Variants in SCARA5 observed in about 807,000 individuals in gnomAD.
The protein encoded by SCARA5 is scavenger receptor class A, member 5 (putative).
In SCARA5, 45 loss-of-function variants were observed where a neutral mutation model predicts 46.3. The ratio of observed to expected loss-of-function variants is 0.97; its 90% CI spans 0.76 to 1.24. The LOEUF (loss-of-function observed/expected upper bound fraction) is 1.24. SCARA5 is among the 50% of genes most tolerant of loss of function. The probability of loss-of-function intolerance (pLI) is 0.00; values close to 1 mark genes in which losing one functional copy is unlikely to be tolerated. For synonymous variants in SCARA5, 333 were observed against 306.5 expected (o/e 1.09, Z -0.90); for missense variants, 680 against 689.0 (o/e 0.99, Z 0.15).
In SCARA5 at chr8:27,937,358, C is replaced by T. The variant is rs191197092; in HGVS notation, c.242-15113G>A. Among the ~76,000 whole-genome samples the T allele has an allele frequency of 2.4e-4, 37 of 152,244 alleles. No homozygotes were observed. In the East Asian group the frequency reaches 5.8e-3, roughly 24 times the overall value. On this transcript the variant is annotated intron_variant, in intron 3 of 8. Transcript: ENST00000354914. ...ATGACCTTCACCCTCTGGGAAGTCCCGATCCCCGGGGACAGGAGTGGGCAG... is the reference window on the plus strand; with the variant it reads ...ATGACCTTCACCCTCTGGGAAGTCCTGATCCCCGGGGACAGGAGTGGGCAG...
At chr8:27,902,198 G>A (rs1807166021) in intron 7 of SCARA5, among the ~76,000 whole-genome samples, 1 of 152,184 alleles carries the variant, frequency 6.6e-6, no homozygotes. Flanking sequence ...CAATGAGGGT[G>A]TAGCTCTTCG....
chr8:27,978,178 C>A (rs1407240141), intron 2 of SCARA5, among the ~76,000 whole-genome samples: 1 of 149,286 alleles, frequency 6.7e-6, no homozygotes, highest in Non-Finnish European at 1.5e-5. Context: ...AGGTGCCCAC[C>A]ACCACATCCG....
chr8:27,871,795 T>C lies in SCARA5; in HGVS notation c.*139A>G. On this transcript the variant is annotated 3_prime_UTR_variant, in exon 9 of 9. Transcript: ENST00000354914. ...AAATGACGACCGGCCCCCACGGTCC[T>C]GGGATGCAGGTGTGAGGACTGAGAA... The C allele has an allele frequency of 6.6e-7, 1 of 1,521,504 alleles. No homozygotes were observed. Among genetic ancestry groups the C allele is most frequent in the Non-Finnish European group, 8.8e-7 (1 of 1,135,872 alleles). The allele number at this position is 1,521,504 out of a possible 1,614,324, so 94.3% of individuals were successfully genotyped here.
At position 27,918,953 on chromosome 8, in the gene SCARA5, GA is replaced by G. The variant is rs371836463; in HGVS notation, c.916+2617del. 2.9e-3 allele frequency among the ~76,000 whole-genome samples: 4 copies of G among 1,390 alleles called. 2 individuals are homozygous for G. Among genetic ancestry groups the G allele is most frequent in the Non-Finnish European group, 6.5e-3 (2 of 308 alleles). The allele number at this position is 1,390 out of a possible 152,430, so 0.9% of individuals were successfully genotyped here. On this transcript the variant is annotated intron_variant, in intron 4 of 8. Transcript: ENST00000354914. ...AGATGAGAAGGAGGGGAAGGAGGAG[GA>G]GGAGAAGGAGGAGGAGGAAGAGGAG...
intron 3 of SCARA5, among the ~76,000 whole-genome samples, chr8:27,957,204 T>G (rs1006173234): frequency 6.6e-6 from 1 of 152,216 alleles, no homozygotes; most frequent in Non-Finnish European, 1.5e-5. Flanking sequence ...GGTTGGGCAC[T>G]GCATGATGAC....
At chr8:27,965,345 G>A (rs529732268) in intron 3 of SCARA5, among the ~76,000 whole-genome samples, 138 of 152,326 alleles carry the variant, frequency 9.1e-4, no homozygotes, top group African/African-American at 3.1e-3. Flanking sequence ...GGCTTCACCC[G>A]AGGGCCCCTC....
At chr8:27,965,534 C>CTG (rs10641384) in intron 3 of SCARA5, among the ~76,000 whole-genome samples, 81,902 of 152,026 alleles carry the variant, frequency 0.54, 22,262 homozygotes, top group South Asian at 0.66. Flanking sequence ...CTGCATGACC[C>CTG]CCTCAGTTCC....
In SCARA5 at chr8:27,907,240, G is replaced by T; in HGVS notation, c.1004C>A (p.Pro335His). ...IPGLPGLRGL[P>H]GERGTPGLPG... Reference sequence around the variant, plus strand: ...CAATCCTGGGGTACCTCTCTCCCCGGGCAGACCTGGGGAGAAAACAGACAA... The same window carrying T: ...CAATCCTGGGGTACCTCTCTCCCCGTGCAGACCTGGGGAGAAAACAGACAA... The change falls in exon 6 of 9, where the codon CCC (proline) becomes CAC (histidine). Residue 335 changes from proline to histidine, a missense_variant. Transcript: ENST00000354914. The T allele has an allele frequency of 6.2e-7, 1 of 1,612,056 alleles. No individual in the cohort carries two copies.
intron 4 of SCARA5, among the ~76,000 whole-genome samples, chr8:27,912,481 T>C (rs6558027): frequency 0.55 from 83,594 of 152,064 alleles, 23,794 homozygotes; most frequent in Non-Finnish European, 0.63. Context: ...ATGATTGAGT[T>C]AGAGAACCTG....
At chr8:27,883,949 G>C (rs17058067) in intron 7 of SCARA5, among the ~76,000 whole-genome samples, 4,151 of 127,724 alleles carry the variant, frequency 0.032, 154 homozygotes, top group East Asian at 0.17. Context: ...ACTGTGACTT[G>C]GCAAAGACTT....
chr8:27,940,756 ATCTG>A (rs1807931541), intron 3 of SCARA5, among the ~76,000 whole-genome samples: 1 of 48,574 alleles, frequency 2.1e-5, no homozygotes, highest in Non-Finnish European at 3.9e-5. Flanking sequence ...CCACCCAACC[ATCTG>A]TCCATCCATC....
At chr8:27,949,829 T>C (rs1808095968) in intron 3 of SCARA5, among the ~76,000 whole-genome samples, 1 of 152,178 alleles carries the variant, frequency 6.6e-6, no homozygotes, top group South Asian at 2.1e-4. Flanking sequence ...GTCTGGCTCC[T>C]GAAGAGGCCC....
intron 7 of SCARA5, among the ~76,000 whole-genome samples, chr8:27,894,102 C>T (rs4301403): frequency 0.054 from 8,224 of 152,306 alleles, 298 homozygotes; most frequent in Non-Finnish European, 0.08. Flanking sequence ...ACTGAGGTCC[C>T]GTCGTGCACA....
In SCARA5 at chr8:27,930,756, G is replaced by A. The variant is rs1045489166; in HGVS notation, c.242-8511C>T. 2.6e-5 allele frequency among the ~76,000 whole-genome samples: 4 copies of A among 152,146 alleles called. No individual in the cohort carries two copies. The East Asian group carries it at 5.8e-4, about 22-fold the overall frequency. On this transcript the variant is annotated intron_variant, in intron 3 of 8. Coordinates refer to ENST00000354914, the MANE Select transcript of SCARA5 (RefSeq NM_173833.6). ...TCTTGGGTATGTCTTTACGTGCAGC[G>A]TGAAAATGGACTAATACATAGCTCA...
intron 2 of SCARA5, among the ~76,000 whole-genome samples, chr8:27,977,312 A>G (rs1393186041): frequency 6.6e-6 from 1 of 152,116 alleles, no homozygotes; most frequent in Admixed American, 6.5e-5. Flanking sequence ...CAGAAAACCC[A>G]GGACTCCCCA....
intron 4 of SCARA5, among the ~76,000 whole-genome samples, chr8:27,912,560 C>T (rs13253529): frequency 1.3e-5 from 2 of 152,152 alleles, no homozygotes; most frequent in Non-Finnish European, 2.9e-5. Context: ...TCCACTACCC[C>T]TTCCCAGCGA....
intron 3 of SCARA5, among the ~76,000 whole-genome samples, chr8:27,939,710 A>T (rs1436474605): frequency 6.6e-6 from 1 of 152,176 alleles, no homozygotes; most frequent in South Asian, 2.1e-4. Flanking sequence ...TATTCGTGGG[A>T]GTCTACTCAG....
At position 27,922,054 on chromosome 8, in the gene SCARA5, C is replaced by T. The variant is rs775439485; in HGVS notation, c.433G>A (p.Ala145Thr). The T allele has an allele frequency of 4.4e-5, 69 of 1,576,072 alleles. 1 individual carries two copies. The highest frequency in any genetic ancestry group is 5.7e-5 in the South Asian group (5 of 87,082). The stretch of plus-strand genomic sequence containing the variant: ...AGCGCGCCCTCCAGCCGCTGCACTG[C>T]GCCCGCCAGCGCCAGCAACGAGTCT... ...QSDSLLALAG[A>T]VQRLEGALWG... is the part of the protein sequence containing the mutation. Residue 145 changes from alanine (A) to threonine (T), a missense_variant, in exon 4 of 9, where the codon GCA becomes ACA. Ala to Thr is a moderately conservative substitution (Grantham distance 58, BLOSUM62 0). Transcript: ENST00000354914.
chr8:27,913,857 C>T (rs1165398280), intron 4 of SCARA5, among the ~76,000 whole-genome samples: 1 of 152,220 alleles, frequency 6.6e-6, no homozygotes, highest in East Asian at 1.9e-4. Flanking sequence ...CTCATGGTCA[C>T]CAACTTTCCT....
Sources: gnomAD v4.1 joint callset for allele counts (sites outside exome capture counted in the v4.1 genomes callset) on GRCh38, gnomAD v4.1.1 for gene constraint, MANE v1.5 for transcripts, NCBI Gene and HGNC (gene_info 2026-07-23, HGNC 2026-07-21) for gene names.